UXS1: variants seen among roughly 807,000 people sequenced by gnomAD.
UXS1 encodes UDP-glucuronate decarboxylase 1, also known as UDP-glucuronic acid decarboxylase 1.
In UXS1, 33 loss-of-function variants were observed where a neutral mutation model predicts 62.6. The ratio of observed to expected loss-of-function variants is 0.53; its 90% CI spans 0.40 to 0.70. UXS1 has a LOEUF of 0.70. Ranked by LOEUF, UXS1 falls within the 30% of genes least tolerant of loss-of-function variation. The probability of loss-of-function intolerance (pLI) is 0.00; values close to 1 mark genes in which losing one functional copy is unlikely to be tolerated. For synonymous variants in UXS1, 213 were observed against 206.8 expected (o/e 1.03, Z -0.26); for missense variants, 434 against 556.3 (o/e 0.78, Z 2.21).
chr2:106,157,528 A>G (rs1052807821), intron 5 of UXS1, among the ~76,000 whole-genome samples: 2 of 152,240 alleles, frequency 1.3e-5, no homozygotes, highest in African/African-American at 4.8e-5. Context: ...AGTATACCTA[A>G]AAGAATGAAA....
chr2:106,179,464 G>C (rs1376649705), intron 1 of UXS1: 1 of 152,206 alleles, frequency 6.6e-6, no homozygotes, highest in Non-Finnish European at 1.5e-5. Flanking sequence ...CCACCTTCAC[G>C]ATGAGGACAA....
intron 1 of UXS1, among the ~76,000 whole-genome samples, chr2:106,189,432 A>G (rs1428396632): frequency 6.6e-6 from 1 of 152,224 alleles, no homozygotes; most frequent in Non-Finnish European, 1.5e-5. Flanking sequence ...CAAGCTGAGT[A>G]TCATCATTGT....
chr2:106,126,424 G>A (rs888875794), intron 7 of UXS1, among the ~76,000 whole-genome samples: 2 of 152,070 alleles, frequency 1.3e-5, no homozygotes, highest in African/African-American at 4.8e-5. Context: ...CTACACTAGA[G>A]GGGGGCTGTG....
chr2:106,136,412 G>A (rs62143973), intron 6 of UXS1, among the ~76,000 whole-genome samples: 83,048 of 140,396 alleles, frequency 0.59, 24,679 homozygotes, highest in South Asian at 0.64. Flanking sequence ...CCATTACTGG[G>A]TATATACCCA....
intron 9 of UXS1, among the ~76,000 whole-genome samples, chr2:106,117,564 G>T (rs758369209): frequency 6.6e-6 from 1 of 152,202 alleles, no homozygotes; most frequent in African/African-American, 2.4e-5. Flanking sequence ...CTGACGGAAG[G>T]TTCTATTGAT....
chr2:106,170,937 A>T (rs1327872890), intron 1 of UXS1, among the ~76,000 whole-genome samples: 2 of 152,258 alleles, frequency 1.3e-5, no homozygotes. Flanking sequence ...CAAATATTTG[A>T]ACTGAATTAA....
At chr2:106,118,495 C>T (rs923504799) in intron 9 of UXS1, among the ~76,000 whole-genome samples, 1 of 152,132 alleles carries the variant, frequency 6.6e-6, no homozygotes, top group Non-Finnish European at 1.5e-5. Flanking sequence ...CCGCAGCCTA[C>T]GGGAGAGGCC....
At chr2:106,118,164 C>T (rs947450863) in intron 9 of UXS1, among the ~76,000 whole-genome samples, 3 of 150,730 alleles carry the variant, frequency 2.0e-5, no homozygotes, top group East Asian at 3.9e-4. Context: ...GAGGACAGGA[C>T]GGGCCTCCTG....
intron 1 of UXS1, among the ~76,000 whole-genome samples, chr2:106,188,462 A>G (rs760521651): frequency 6.6e-6 from 1 of 152,218 alleles, no homozygotes; most frequent in Non-Finnish European, 1.5e-5. Flanking sequence ...GAAGCAGGAC[A>G]AGTTCCAGCT....
At chr2:106,158,564 G>A (rs1321023989) in intron 4 of UXS1, among the ~76,000 whole-genome samples, 1 of 152,084 alleles carries the variant, frequency 6.6e-6, no homozygotes, top group African/African-American at 2.4e-5. Context: ...GCTTATTTTA[G>A]TGCAGAGGCC....
At chr2:106,149,243 T>A (rs760282996) in intron 5 of UXS1, among the ~76,000 whole-genome samples, 13 of 152,182 alleles carry the variant, frequency 8.5e-5, no homozygotes, top group Admixed American at 2.0e-4. Flanking sequence ...AAATAAATTC[T>A]ATAATACTCA....
intron 5 of UXS1, among the ~76,000 whole-genome samples, chr2:106,151,850 A>G (rs904540985): frequency 1.3e-5 from 2 of 152,238 alleles, no homozygotes; most frequent in African/African-American, 4.8e-5. Context: ...TATGTAAGCC[A>G]TCTCAAAAAG....
At position 106,138,610 on chromosome 2, in the gene UXS1, G is replaced by A. The variant is rs957537384; in HGVS notation, c.472+6580C>T. ...ACAAAAGTTAGCTGAGAGAAGAGAT[G>A]AGCGTAAACTGGGGTTTTTCCATCC... On this transcript the variant is annotated intron_variant, in intron 6 of 14. Coordinates refer to ENST00000283148, the MANE Select transcript of UXS1 (RefSeq NM_001253875.2). 12 of 985,550 alleles carry A rather than the reference G, an allele frequency of 1.2e-5. No homozygotes were observed. The African/African-American group carries it at 1.9e-4, about 16-fold the overall frequency. The allele number at this position is 985,550 out of a possible 1,614,324, so 61.1% of individuals were successfully genotyped here.
rs60493984 is a variant in UXS1, at chr2:106,143,408, CAAAAAAAAAAAAAAAAAAAAA to C, written c.472+1761_472+1781del. Reference sequence around the variant, plus strand: ...TGGGCAACAGAGAGAGACTCCGTCTCAAAAAAAAAAAAAAAAAAAAAAAAAAAAAAGGTATAATTTGGGCAG... The same window carrying C: ...TGGGCAACAGAGAGAGACTCCGTCTCAAAAAAAAAGGTATAATTTGGGCAG... On this transcript the variant is annotated intron_variant, in intron 6 of 14. Coordinates refer to ENST00000283148, the MANE Select transcript of UXS1 (RefSeq NM_001253875.2). Among the ~76,000 whole-genome samples the C allele has an allele frequency of 1.3e-4, 5 of 38,656 alleles. No individual in the cohort carries two copies. The East Asian group carries it at 1.9e-3, about 15-fold the overall frequency. 25.4% of individuals were successfully genotyped at this position (38,656 alleles called of 152,430 possible).
chr2:106,156,777 T>A (rs1296770611), intron 5 of UXS1, among the ~76,000 whole-genome samples: 1 of 152,212 alleles, frequency 6.6e-6, no homozygotes, highest in Non-Finnish European at 1.5e-5. Context: ...ACATGTTCAG[T>A]ACAGCCATAA....
At chr2:106,164,205 C>T (rs1279949634) in intron 3 of UXS1, among the ~76,000 whole-genome samples, 1 of 152,204 alleles carries the variant, frequency 6.6e-6, no homozygotes, top group Non-Finnish European at 1.5e-5. Flanking sequence ...CCCAGGACTC[C>T]CTAAGTTGGC....
chr2:106,155,022 G>C (rs1315693252), intron 5 of UXS1, among the ~76,000 whole-genome samples: 2 of 152,142 alleles, frequency 1.3e-5, no homozygotes, highest in Non-Finnish European at 2.9e-5. Flanking sequence ...CACGTGGCAA[G>C]ACAGGGAGAA....
chr2:106,138,495 AGGATTTCCAGGCGGG>A, intron 6 of UXS1: 1 of 985,438 alleles, frequency 1.0e-6, no homozygotes, highest in Non-Finnish European at 1.2e-6. Flanking sequence ...CTCACCCTTC[AGGATTTCCAGGCGGG>A]CCTGGAAACC....
chr2:106,097,341 C>T (rs186948328), intron 13 of UXS1: 245 of 401,284 alleles, frequency 6.1e-4, no homozygotes, highest in African/African-American at 4.7e-3. Flanking sequence ...GCCTGTTCCA[C>T]ATCCTTGCTG....
Sources: allele counts gnomAD v4.1 joint callset (sites outside exome capture counted in the v4.1 genomes callset), GRCh38; gene constraint gnomAD v4.1.1; transcripts MANE v1.5; gene names NCBI Gene and HGNC (gene_info 2026-07-23, HGNC 2026-07-21).